The following SCAI variants were observed in gnomAD, a reference collection of about 807,000 sequenced individuals.
The protein encoded by SCAI is suppressor of cancer cell invasion.
In SCAI, 24 loss-of-function variants were observed where a neutral mutation model predicts 92.2. The observed-to-expected ratio is 0.26, with a 90% confidence interval of 0.19 to 0.37. SCAI has a LOEUF of 0.37. Among genes scored for constraint, SCAI ranks in the 10% least tolerant of loss-of-function variants. The probability of loss-of-function intolerance (pLI) is 1.00; values close to 1 mark genes in which losing one functional copy is unlikely to be tolerated. For missense variants in SCAI, 450 were observed against 736.2 expected (o/e 0.61, Z 4.50); for synonymous variants, 261 against 258.6 (o/e 1.01, Z -0.09).
intron 2 of SCAI, among the ~76,000 whole-genome samples, chr9:125,079,785 C>T (rs977766492): frequency 7.9e-5 from 12 of 151,796 alleles, no homozygotes; most frequent in Admixed American, 1.3e-4. Flanking sequence ...TGGTATTTCA[C>T]GGAACATGAG....
chr9:125,095,360 T>C (rs2131203293), intron 2 of SCAI, among the ~76,000 whole-genome samples: 1 of 152,348 alleles, frequency 6.6e-6, no homozygotes, highest in East Asian at 1.9e-4. Flanking sequence ...CACATTAAGT[T>C]GTGTCTCAAA....
In SCAI at chr9:125,142,697, G is replaced by A; in HGVS notation, c.54-20C>T. ...GTCAGTCTGCAGACCAAACAAATAA[G>A]ACGGTAACTAAAAGTAACATACAAG... On this transcript the variant is annotated intron_variant, in intron 1 of 17. Coordinates refer to ENST00000336505, the MANE Select transcript of SCAI (RefSeq NM_001144877.3). The A allele has an allele frequency of 6.2e-7, 1 of 1,610,586 alleles. No individual in the cohort carries two copies. The highest frequency in any genetic ancestry group is 2.2e-5 in the East Asian group (1 of 44,858).
At chr9:125,047,467 A>T (rs1240553263) in intron 3 of SCAI, among the ~76,000 whole-genome samples, 1 of 152,242 alleles carries the variant, frequency 6.6e-6, no homozygotes, top group African/African-American at 2.4e-5. Flanking sequence ...CTGATACAGT[A>T]ATATGGTAAC....
At chr9:125,082,755 G>C (rs1449991321) in intron 2 of SCAI, among the ~76,000 whole-genome samples, 2 of 152,230 alleles carry the variant, frequency 1.3e-5, no homozygotes, top group Non-Finnish European at 2.9e-5. Flanking sequence ...GGACTTGCAT[G>C]GGGCTTGCAG....
chr9:125,108,605 C>T (rs1159178863), intron 2 of SCAI, among the ~76,000 whole-genome samples: 1 of 150,068 alleles, frequency 6.7e-6, no homozygotes, highest in Non-Finnish European at 1.5e-5. Context: ...GCAGCCGCCC[C>T]GTCTGAGAAG....
At chr9:125,044,208 G>T (rs1027143202) in intron 3 of SCAI, among the ~76,000 whole-genome samples, 1 of 152,096 alleles carries the variant, frequency 6.6e-6, no homozygotes, top group Non-Finnish European at 1.5e-5. Flanking sequence ...GGCCTGGGGG[G>T]ATAAGGCTGC....
chr9:125,037,242 C>A (rs956130716), intron 3 of SCAI, among the ~76,000 whole-genome samples: 6 of 150,928 alleles, frequency 4.0e-5, no homozygotes, highest in Admixed American at 4.0e-4. Flanking sequence ...GCACTCCAGG[C>A]CTGGGCAACA....
intron 6 of SCAI, among the ~76,000 whole-genome samples, chr9:125,025,493 G>T (rs919117192): frequency 6.6e-6 from 1 of 152,130 alleles, no homozygotes; most frequent in Non-Finnish European, 1.5e-5. Flanking sequence ...CTGCTTATAT[G>T]TATTTTTAAT....
At position 124,945,025 on chromosome 9, in the gene SCAI, A is replaced by T. The variant is rs1831123220; in HGVS notation, c.*7782T>A. ...GGAGAAAAGTATAAAACCTAAAATT[A>T]CCTATGTCTTAAACAATATTACACC... On this transcript the variant is annotated 3_prime_UTR_variant, in exon 18 of 18. Coordinates refer to ENST00000336505, the MANE Select transcript of SCAI (RefSeq NM_001144877.3). 6.6e-6 allele frequency: 1 copy of T among 152,188 alleles called. No homozygotes were observed. Among genetic ancestry groups the T allele is most frequent in the African/African-American group, 2.4e-5 (1 of 41,450 alleles). The allele number at this position is 152,188 out of a possible 1,614,324, so 9.4% of individuals were successfully genotyped here.
In SCAI at chr9:125,073,326, G is replaced by A. The variant is rs544902922; in HGVS notation, c.99-17319C>T. On this transcript the variant is annotated intron_variant, in intron 2 of 17. Coordinates refer to ENST00000336505, the MANE Select transcript of SCAI (RefSeq NM_001144877.3). ...TCACCGTGTTAGCCAGGATGGTCTC[G>A]ATCTCCTGACCTCGTGATCCACCCG... Among the ~76,000 whole-genome samples, 439 of 150,978 alleles carry A rather than the reference G, an allele frequency of 2.9e-3. 3 individuals carry two copies. The highest frequency in any genetic ancestry group is 4.8e-3 in the Admixed American group (73 of 15,156).
chr9:124,997,985 T>G (rs959266697), intron 13 of SCAI, among the ~76,000 whole-genome samples: 6 of 152,164 alleles, frequency 3.9e-5, no homozygotes, highest in Non-Finnish European at 8.8e-5. Context: ...TTTAAGTTTT[T>G]GTAGAGACAG....
At chr9:125,007,951 T>C (rs1431989395) in intron 9 of SCAI, among the ~76,000 whole-genome samples, 1 of 151,952 alleles carries the variant, frequency 6.6e-6, no homozygotes, top group Non-Finnish European at 1.5e-5. Context: ...GTTCACGCCA[T>C]TCTCCTGCCT....
intron 17 of SCAI, among the ~76,000 whole-genome samples, chr9:124,960,332 C>G (rs894621467): frequency 6.6e-6 from 1 of 152,098 alleles, no homozygotes; most frequent in Non-Finnish European, 1.5e-5. Flanking sequence ...GGGGCTCAAG[C>G]GACGCCCCAG....
chr9:124,995,582 C>T (rs922312661), intron 13 of SCAI, among the ~76,000 whole-genome samples: 6 of 151,840 alleles, frequency 4.0e-5, no homozygotes, highest in African/African-American at 1.2e-4. Flanking sequence ...CTCCATGTCC[C>T]GGGCTCAGGT....
chr9:125,100,631 T>C (rs1834658014), intron 2 of SCAI, among the ~76,000 whole-genome samples: 1 of 152,174 alleles, frequency 6.6e-6, no homozygotes, highest in Non-Finnish European at 1.5e-5. Flanking sequence ...CTAAAATAAG[T>C]TACCTCTAGT....
In SCAI at chr9:124,952,739, C is replaced by T. The variant is rs774023339; in HGVS notation, c.*68G>A. 39 of 1,339,312 alleles carry T rather than the reference C, an allele frequency of 2.9e-5. No homozygotes were observed. The highest frequency in any genetic ancestry group is 1.9e-4 in the Middle Eastern group (1 of 5,368). The allele number at this position is 1,339,312 out of a possible 1,614,324, so 83.0% of individuals were successfully genotyped here. A position where few individuals can be genotyped will look rare whatever the true frequency, so the allele number is the denominator to read the frequency against. On this transcript the variant is annotated 3_prime_UTR_variant, in exon 18 of 18. Transcript: ENST00000336505. ...AGTAACACCACTATGTGTCTTATCACGTTAGAAAACTGCACCATTTAAAAT... is the reference window on the plus strand; with the variant it reads ...AGTAACACCACTATGTGTCTTATCATGTTAGAAAACTGCACCATTTAAAAT...
At chr9:125,063,067 G>A (rs1305592599) in intron 2 of SCAI, among the ~76,000 whole-genome samples, 2 of 141,912 alleles carry the variant, frequency 1.4e-5, no homozygotes, top group Admixed American at 7.2e-5. Context: ...TACTAATGAA[G>A]TCAAATAATA....
At chr9:125,024,790 T>C (rs1037226051) in intron 6 of SCAI, among the ~76,000 whole-genome samples, 1 of 152,124 alleles carries the variant, frequency 6.6e-6, no homozygotes, top group South Asian at 2.1e-4. Context: ...CTTTGGCCAT[T>C]TGCAACAGAA....
chr9:125,128,576 A>G (rs1835326809), intron 2 of SCAI, among the ~76,000 whole-genome samples: 1 of 151,672 alleles, frequency 6.6e-6, no homozygotes, highest in South Asian at 2.1e-4. Flanking sequence ...ACACAGTGAA[A>G]TGCCGTCTCT....
Sources: allele counts gnomAD v4.1 joint callset (sites outside exome capture counted in the v4.1 genomes callset), GRCh38; gene constraint gnomAD v4.1.1; transcripts MANE v1.5; gene names NCBI Gene and HGNC (gene_info 2026-07-23, HGNC 2026-07-21).